MGAM: variants seen among roughly 807,000 people sequenced by gnomAD.
MGAM encodes the protein alpha-1,4-glucosidase.
MGAM carries 253 observed loss-of-function variants against 358.8 expected under a neutral mutation model. That is an observed-to-expected ratio of 0.71 (90% CI 0.64 to 0.78). The LOEUF (loss-of-function observed/expected upper bound fraction) is 0.78. MGAM is among the 30% of genes least tolerant of loss of function. The pLI, the probability that MGAM is intolerant of heterozygous loss-of-function variation, is 0.00. For synonymous variants in MGAM, 1,105 were observed against 1,227.1 expected (o/e 0.90, Z 2.08); for missense variants, 3,080 against 3,432.6 (o/e 0.90, Z 2.57).
chr7:142,007,741 G>A (rs1002148493), intron 2 of MGAM, among the ~76,000 whole-genome samples: 2 of 152,126 alleles, frequency 1.3e-5, no homozygotes, highest in Non-Finnish European at 2.9e-5. Context: ...CTAGCCCTTA[G>A]GTAAGTCCTA....
rs141142887 is a variant in MGAM, at chr7:142,038,225, G to A, written c.2232-306G>A. On this transcript the variant is annotated intron_variant, in intron 18 of 70. Coordinates refer to ENST00000475668, the MANE Select transcript of MGAM (RefSeq NM_001365693.1). ...TCCATCCGTGTTGATGCGAATGTCC[G>A]GATCTCAACTTACTTTTTTTAAAAA... 2.9e-3 allele frequency among the ~76,000 whole-genome samples: 445 copies of A among 152,164 alleles called. 1 individual carries two copies. Among genetic ancestry groups the A allele is most frequent in the African/African-American group, 9.9e-3 (410 of 41,506 alleles).
At chr7:142,021,982 G>A (rs1806506155) in intron 6 of MGAM, among the ~76,000 whole-genome samples, 1 of 151,310 alleles carries the variant, frequency 6.6e-6, no homozygotes, top group South Asian at 2.1e-4. Context: ...ATAACCAGCT[G>A]TCCACCAGTA....
intron 24 of MGAM, among the ~76,000 whole-genome samples, chr7:142,051,461 T>A (rs538230532): frequency 9.3e-4 from 142 of 152,230 alleles, no homozygotes; most frequent in Non-Finnish European, 7.5e-4. Context: ...ATGTGATTTT[T>A]GTACTCCAGA....
At chr7:142,065,098 T>G (rs1812592130) in intron 37 of MGAM, among the ~76,000 whole-genome samples, 1 of 152,200 alleles carries the variant, frequency 6.6e-6, no homozygotes, top group Admixed American at 6.5e-5. Flanking sequence ...CTTAGTATTT[T>G]GGGAGTACTC....
chr7:142,019,296 G>A lies in MGAM; in HGVS notation c.425G>A (p.Gly142Asp), dbSNP rs1384044094. 6 of 1,613,138 alleles carry A rather than the reference G, an allele frequency of 3.7e-6. No homozygotes were observed. Among genetic ancestry groups the A allele is most frequent in the Non-Finnish European group, 4.2e-6 (5 of 1,179,642 alleles). Residue 142 changes from glycine (G) to aspartate (D), a missense_variant, in exon 4 of 71, where the codon GGC becomes GAC. Around this residue, in one of 5 missense-constraint regions of MGAM, gnomAD observed 1,816 missense variants for 1,840.5 expected, o/e 0.99. Transcript: ENST00000475668. The stretch of plus-strand genomic sequence containing the variant: ...AAGAATCATAGCTACCATGTAGAGG[G>A]CAACCTTGTCAACACAAATGCAGGT... ...YSKNHSYHVE[G>D]NLVNTNAGFT...
chr7:142,074,763 A>C (rs76286779), intron 45 of MGAM, among the ~76,000 whole-genome samples: 2,388 of 146,556 alleles, frequency 0.016, 356 homozygotes, highest in Non-Finnish European at 0.027. Flanking sequence ...TGTCCCTCTA[A>C]TCCAATATGT....
chr7:142,082,450 A>G (rs773983622), intron 51 of MGAM, 25 bp from the exon 52 acceptor site: 1 of 1,458,870 alleles, frequency 6.9e-7, no homozygotes, highest in Non-Finnish European at 9.4e-7. Flanking sequence ...TTAAACTCCT[A>G]CTGCTTCTCC....
At chr7:142,045,639 T>G (rs1182799358) in intron 21 of MGAM, among the ~76,000 whole-genome samples, 1 of 106,354 alleles carries the variant, frequency 9.4e-6, no homozygotes, top group African/African-American at 3.7e-5. Context: ...TATGAATATA[T>G]AATATATATT....
At chr7:142,026,966 AG>A in intron 8 of MGAM, 148 bp from the exon 9 acceptor site, 1 of 591,862 alleles carries the variant, frequency 1.7e-6, no homozygotes, top group East Asian at 2.8e-5. Flanking sequence ...TTGGATGGTC[AG>A]GGTTTTCACT....
chr7:142,004,445 A>C (rs567423593), intron 1 of MGAM: 5 of 152,134 alleles, frequency 3.3e-5, no homozygotes, highest in Middle Eastern at 3.4e-3. Context: ...CAGAAACAGA[A>C]AGTAAAAAAC....
intron 65 of MGAM, among the ~76,000 whole-genome samples, chr7:142,097,104 T>A (rs1372366940): frequency 6.6e-6 from 1 of 151,960 alleles, no homozygotes; most frequent in East Asian, 1.9e-4. Context: ...AATTTAAATT[T>A]TTTTTTTTAT....
Position 142,022,444 on chromosome 7 carries a change from G to A in MGAM, c.882+5G>A, listed in dbSNP as rs782458880. ...AGAGACACAACTCCCAATGGAGTAA[G>A]CTTTCAAATGGGCCCCTTTCCACTG... On this transcript the variant is annotated splice_donor_5th_base_variant and intron_variant, in intron 7 of 70. Transcript: ENST00000475668. 2 of 1,611,354 alleles carry A rather than the reference G, an allele frequency of 1.2e-6. No homozygotes were observed. The highest frequency in any genetic ancestry group is 2.2e-5 in the East Asian group (1 of 44,850).
chr7:142,069,240 C>A (rs1813122579), intron 43 of MGAM, among the ~76,000 whole-genome samples: 1 of 145,782 alleles, frequency 6.9e-6, no homozygotes, highest in Non-Finnish European at 1.6e-5. Flanking sequence ...GGGACCCAAC[C>A]CTTGTGTGTC....
intron 31 of MGAM, 142 bp downstream of exon 31, chr7:142,058,470 AC>A (rs1811774529): frequency 1.4e-6 from 2 of 1,425,604 alleles, no homozygotes; most frequent in African/African-American, 1.4e-5. Flanking sequence ...TCACCCCAGC[AC>A]AGTAATATAG....
intron 12 of MGAM, 80 bp from the exon 13 acceptor site, chr7:142,031,600 G>C: frequency 6.2e-6 from 6 of 970,460 alleles, no homozygotes; most frequent in Non-Finnish European, 9.5e-6. Context: ...ATCATATTAG[G>C]AATTTCTTTG....
intron 24 of MGAM, 118 bp from the exon 25 acceptor site, chr7:142,052,176 T>G: frequency 2.3e-6 from 2 of 854,890 alleles, no homozygotes; most frequent in Non-Finnish European, 3.5e-6. Context: ...CATATGTTGC[T>G]TGGATGTTTG....
In MGAM at chr7:142,005,546, C is replaced by G. The variant is rs782042260; in HGVS notation, c.16C>G (p.Leu6Val). The G allele has an allele frequency of 1.7e-5, 26 of 1,552,196 alleles. No homozygotes were observed. In the South Asian group the frequency reaches 3.2e-4, roughly 19 times the overall value. ...CATTTTAGAGATGGCAAGAAAGAAG[C>G]TGAAAAAATTTACTACTTTGGAGAT... Reference protein sequence around the residue: MARKKLKKFTTLEIVL... With the variant: MARKKVKKFTTLEIVL... Residue 6 changes from leucine to valine, a missense_variant, in exon 2 of 71, where the codon CTG becomes GTG. Physicochemically the swap from Leu to Val is conservative, Grantham distance 32 (BLOSUM62 1). Coordinates refer to ENST00000475668, the MANE Select transcript of MGAM (RefSeq NM_001365693.1).
rs764736778 is a variant in MGAM at position 142,074,099 on chromosome 7, T to C, written c.5201T>C (p.Leu1734Pro). The change falls in exon 45 of 71, where the codon CTT becomes CCT. Residue 1734 changes from leucine (L) to proline (P), a missense_variant. Coordinates refer to ENST00000475668, the MANE Select transcript of MGAM (RefSeq NM_001365693.1). Reference sequence around the variant, plus strand: ...GTTCCCCACAGTCGAAAGAACCCTCTTGGTCTTATTATTGCCCTAGATGAA... The same window carrying C: ...GTTCCCCACAGTCGAAAGAACCCTCCTGGTCTTATTATTGCCCTAGATGAA... ...LNTHLSRKNPLGLIIALDENK... is the reference protein window; with the variant it reads ...LNTHLSRKNPPGLIIALDENK... 37 of 1,542,524 alleles carry C rather than the reference T, an allele frequency of 2.4e-5. 6 individuals are homozygous for C. The highest frequency in any genetic ancestry group is 3.4e-5 in the Admixed American group (2 of 58,298).
intron 46 of MGAM, 63 bp from the exon 47 acceptor site, chr7:142,076,596 G>A: frequency 1.5e-6 from 2 of 1,329,486 alleles, no homozygotes; most frequent in Admixed American, 2.0e-5. Context: ...ATATATGAGT[G>A]ACTTGAGAAT....
Sources: allele counts gnomAD v4.1 joint callset (sites outside exome capture counted in the v4.1 genomes callset), GRCh38; gene constraint gnomAD v4.1.1; regional missense constraint gnomAD v4.1.1; transcripts MANE v1.5; gene names NCBI Gene and HGNC (gene_info 2026-07-23, HGNC 2026-07-21).